CADPS: variants seen among roughly 807,000 people sequenced by gnomAD.
CADPS encodes the protein calcium dependent secretion activator.
In CADPS, 57 loss-of-function variants were observed where a neutral mutation model predicts 167.3. The observed-to-expected ratio is 0.34, with a 90% confidence interval of 0.28 to 0.42. The LOEUF is 0.42. Among genes scored for constraint, CADPS ranks in the 20% least tolerant of loss-of-function variants. The pLI is 1.00. For synonymous variants in CADPS, 676 were observed against 635.3 expected, an observed-to-expected ratio of 1.06 and a Z score of -0.96; for missense variants, 1,414 against 1,738.1, an observed-to-expected ratio of 0.81 and a Z score of 3.32.
At chr3:62,778,907 C>CT (rs5849501) in intron 1 of CADPS, among the ~76,000 whole-genome samples, 13 of 148,848 alleles carry the variant, frequency 8.7e-5, no homozygotes, top group Middle Eastern at 3.5e-3. Context: ...AGAACATTTA[C>CT]TTTTTTTTTT....
At chr3:62,645,633 G>T in intron 6 of CADPS, 89 bp downstream of exon 6, 1 of 1,406,536 alleles carries the variant, frequency 7.1e-7, no homozygotes. Context: ...TATCTTCTGG[G>T]GAAACCAGAT....
In CADPS at chr3:62,550,015, G is replaced by A. The variant is rs2077073124; in HGVS notation, c.1854C>T (p.Ala618=). ...GTGACTGCCCCGTGGCCCGATACAT[G>A]GCCTGGACCCACAGGATGCGGTCTT... The part of the protein sequence containing the change: ...DEQDRILWVQ[A]MYRATGQSHK... The change falls in exon 11 of 30, where the codon GCC becomes GCT. Residue 618 remains alanine, a synonymous_variant. Coordinates refer to ENST00000383710, the MANE Select transcript of CADPS (RefSeq NM_003716.4). 1 of 1,613,964 alleles carries A rather than the reference G, an allele frequency of 6.2e-7. No individual in the cohort carries two copies. The highest frequency in any genetic ancestry group is 1.7e-5 in the Admixed American group (1 of 59,996).
At chr3:62,692,463 T>C (rs1341507465) in intron 3 of CADPS, among the ~76,000 whole-genome samples, 1 of 152,088 alleles carries the variant, frequency 6.6e-6, no homozygotes, top group Admixed American at 6.5e-5. Flanking sequence ...TCACCACAAC[T>C]ACCATTTGAA....
chr3:62,868,670 C>A (rs963521943), intron 1 of CADPS, among the ~76,000 whole-genome samples: 1 of 152,096 alleles, frequency 6.6e-6, no homozygotes, highest in African/African-American at 2.4e-5. Context: ...TGAAATTTCA[C>A]CTTATGTGAA....
chr3:62,595,848 C>T (rs894326974), intron 6 of CADPS, among the ~76,000 whole-genome samples: 1 of 152,054 alleles, frequency 6.6e-6, no homozygotes. Flanking sequence ...ATCTAAGCAG[C>T]TTCCAGCGAA....
intron 8 of CADPS, among the ~76,000 whole-genome samples, chr3:62,576,954 T>A (rs1333968919): frequency 6.6e-6 from 1 of 152,114 alleles, no homozygotes; most frequent in Non-Finnish European, 1.5e-5. Flanking sequence ...ATGATATTTT[T>A]GTAAAATTCT....
intron 26 of CADPS, among the ~76,000 whole-genome samples, chr3:62,452,597 G>C (rs571958282): frequency 6.6e-6 from 1 of 152,172 alleles, no homozygotes; most frequent in South Asian, 2.1e-4. Context: ...GGAAGCAGGA[G>C]AAGAAAAAAG....
chr3:62,474,442 G>A, intron 23 of CADPS, 122 bp from the exon 24 acceptor site: 2 of 835,270 alleles, frequency 2.4e-6, no homozygotes, highest in South Asian at 3.2e-5. Context: ...AGTCAACAAT[G>A]ACTTCACATG....
intron 1 of CADPS, among the ~76,000 whole-genome samples, chr3:62,825,938 G>A (rs1264108987): frequency 6.6e-6 from 1 of 152,190 alleles, no homozygotes; most frequent in Admixed American, 6.6e-5. Flanking sequence ...CAGGGGAGAA[G>A]CGAGGGTGAC....
At chr3:62,722,604 C>T (rs1447524048) in intron 3 of CADPS, among the ~76,000 whole-genome samples, 3 of 152,218 alleles carry the variant, frequency 2.0e-5, no homozygotes, top group African/African-American at 7.2e-5. Context: ...TCTATCTTTG[C>T]TCCACTGAGG....
intron 1 of CADPS, among the ~76,000 whole-genome samples, chr3:62,826,003 T>A (rs918701975): frequency 6.6e-6 from 1 of 152,186 alleles, no homozygotes; most frequent in Non-Finnish European, 1.5e-5. Flanking sequence ...CCAGTCTTTC[T>A]ATGCACAGGC....
chr3:62,636,883 G>A (rs895851653), intron 6 of CADPS, among the ~76,000 whole-genome samples: 3 of 152,074 alleles, frequency 2.0e-5, no homozygotes, highest in African/African-American at 7.2e-5. Context: ...ATGTCCTCTG[G>A]CTCTGGAAAG....
intron 1 of CADPS, among the ~76,000 whole-genome samples, chr3:62,844,223 A>C (rs577007632): frequency 2.0e-5 from 3 of 152,184 alleles, no homozygotes; most frequent in Non-Finnish European, 4.4e-5. Flanking sequence ...TCCCATCAGC[A>C]CAAACTAGTT....
chr3:62,584,216 A>G (rs918283674), intron 8 of CADPS, among the ~76,000 whole-genome samples: 1 of 152,060 alleles, frequency 6.6e-6, no homozygotes, highest in African/African-American at 2.4e-5. Context: ...CATGTTGGTC[A>G]GGCTGGTCTC....
At chr3:62,734,349 T>C (rs1310787662) in intron 3 of CADPS, among the ~76,000 whole-genome samples, 2 of 152,138 alleles carry the variant, frequency 1.3e-5, no homozygotes, top group African/African-American at 4.8e-5. Context: ...AAACTGAATT[T>C]GAAATTTATT....
intron 3 of CADPS, among the ~76,000 whole-genome samples, chr3:62,743,240 T>C (rs1164360474): frequency 6.6e-6 from 1 of 152,214 alleles, no homozygotes; most frequent in Non-Finnish European, 1.5e-5. Flanking sequence ...GATGTGATAA[T>C]TATTTAATTT....
At chr3:62,512,150 C>G (rs563891859) in intron 17 of CADPS, among the ~76,000 whole-genome samples, 9 of 152,054 alleles carry the variant, frequency 5.9e-5, no homozygotes, top group African/African-American at 2.2e-4. Flanking sequence ...AGTTTTAAGT[C>G]AGACTTCTCC....
rs567085640 is a variant in CADPS, at chr3:62,683,608, A to G, written c.889-21214T>C. 6.6e-5 allele frequency among the ~76,000 whole-genome samples: 10 copies of G among 152,212 alleles called. No individual in the cohort carries two copies. In the South Asian group the frequency reaches 1.9e-3, roughly 28 times the overall value. On this transcript the variant is annotated intron_variant, in intron 3 of 29. Transcript: ENST00000383710. ...ACATATGAACAAACATTGATACTTCATTATTAACTAAAGTTCTTAATTTAT... is the reference window on the plus strand; with the variant it reads ...ACATATGAACAAACATTGATACTTCGTTATTAACTAAAGTTCTTAATTTAT...
rs549433723 is a variant in CADPS at position 62,429,606 on chromosome 3, T to C, written c.3777+8498A>G. Among the ~76,000 whole-genome samples the C allele has an allele frequency of 6.5e-4, 99 of 151,966 alleles. 1 individual carries two copies. The Middle Eastern group carries it at 0.014, about 21-fold the overall frequency. Reference sequence around the variant, plus strand: ...TCCACAAAATGTGCTTTGGCTACTCTGTGTGTTTGTGTGTGTGTGTGTGTG... The same window carrying C: ...TCCACAAAATGTGCTTTGGCTACTCCGTGTGTTTGTGTGTGTGTGTGTGTG... On this transcript the variant is annotated intron_variant, in intron 28 of 29. Coordinates refer to ENST00000383710, the MANE Select transcript of CADPS (RefSeq NM_003716.4).
Sources: gnomAD v4.1 joint callset for allele counts (sites outside exome capture counted in the v4.1 genomes callset) on GRCh38, gnomAD v4.1.1 for gene constraint, MANE v1.5 for transcripts, NCBI Gene and HGNC (gene_info 2026-07-23, HGNC 2026-07-21) for gene names.